The following NDRG3 variants were observed in gnomAD, a reference collection of about 807,000 sequenced individuals.
NDRG3 encodes NDRG family member 3, also known as protein NDRG3.
NDRG3 carries 23 observed loss-of-function variants against 57.2 expected under a neutral mutation model. That is an observed-to-expected ratio of 0.40 (90% CI 0.29 to 0.57). The LOEUF (loss-of-function observed/expected upper bound fraction) is 0.57, where lower values mean the gene tolerates loss of function less well. Ranked by LOEUF, NDRG3 falls within the 20% of genes least tolerant of loss-of-function variation. The probability of loss-of-function intolerance (pLI) is 0.42; values close to 1 mark genes in which losing one functional copy is unlikely to be tolerated. For missense variants in NDRG3, 384 were observed against 457.3 expected, an observed-to-expected ratio of 0.84 and a Z score of 1.46; for synonymous variants, 132 against 162.6, an observed-to-expected ratio of 0.81 and a Z score of 1.43.
At chr20:36,680,960 C>T in intron 7 of NDRG3, 58 bp from the exon 8 acceptor site, 3 of 1,401,656 alleles carry the variant, frequency 2.1e-6, no homozygotes, top group South Asian at 1.2e-5. Context: ...TTCTTCTAAA[C>T]AGTTGGAACA....
At chr20:36,684,305 G>A (rs1217476948) in intron 6 of NDRG3, 108 bp downstream of exon 6, 16 of 858,794 alleles carry the variant, frequency 1.9e-5, no homozygotes, top group African/African-American at 5.0e-5. Flanking sequence ...GCTCTAGGAG[G>A]ACAGTGATAA....
chr20:36,657,469 C>G (rs1568620249), intron 13 of NDRG3, among the ~76,000 whole-genome samples: 1 of 148,192 alleles, frequency 6.7e-6, no homozygotes, highest in Non-Finnish European at 1.5e-5. Context: ...ACCTGGGCGA[C>G]AGAGTCCGTC....
At chr20:36,744,197 C>G (rs901852807) in intron 1 of NDRG3, among the ~76,000 whole-genome samples, 15 of 152,214 alleles carry the variant, frequency 9.9e-5, no homozygotes, top group African/African-American at 3.6e-4. Context: ...CCGCAGCGCC[C>G]GGTCCATAAA....
intron 1 of NDRG3, among the ~76,000 whole-genome samples, chr20:36,728,935 T>A (rs756983716): frequency 1.3e-5 from 2 of 152,088 alleles, no homozygotes; most frequent in Non-Finnish European, 2.9e-5. Context: ...TTGGCCAGGC[T>A]GGTCTCGAAC....
chr20:36,688,777 T>C lies in NDRG3; in HGVS notation c.101A>G (p.Asp34Gly), dbSNP rs1391820154. 4 of 1,612,452 alleles carry C rather than the reference T, an allele frequency of 2.5e-6. No individual in the cohort carries two copies. Among genetic ancestry groups the C allele is most frequent in the African/African-American group, 1.3e-5 (1 of 74,888 alleles). Residue 34 changes from aspartate (D) to glycine (G), a missense_variant, in exon 4 of 16, where the codon GAT (aspartate) becomes GGT (glycine). Transcript: ENST00000349004. ...NFQDFDCQEH[D>G]IETTHGVVHV... ...GACCACACCATGAGTTGTTTCTATA[T>C]CATGTTCCTGTAACAAGAGAATGTA...
chr20:36,676,923 T>A (rs999614938), intron 8 of NDRG3, among the ~76,000 whole-genome samples: 1 of 152,220 alleles, frequency 6.6e-6, no homozygotes, highest in African/African-American at 2.4e-5. Flanking sequence ...TCCTGCTCTA[T>A]GGAGCAAGCA....
chr20:36,666,431 C>T, intron 9 of NDRG3, 39 bp from the exon 10 acceptor site: 1 of 1,446,428 alleles, frequency 6.9e-7, no homozygotes. Context: ...AGCTTCTGAG[C>T]TCCAGAATAA....
At chr20:36,695,763 G>GCCTTGTGACCTTGCCCTAC (rs1247361128) in intron 3 of NDRG3, among the ~76,000 whole-genome samples, 3 of 152,116 alleles carry the variant, frequency 2.0e-5, no homozygotes, top group Admixed American at 6.6e-5. Context: ...TTTCGCCCTG[G>GCCTTGTGACCTTGCCCTAC]CCTTGTGACC....
intron 3 of NDRG3, among the ~76,000 whole-genome samples, chr20:36,699,668 C>CTGG (rs887081318): frequency 2.4e-4 from 36 of 151,528 alleles, no homozygotes; most frequent in Middle Eastern, 3.4e-3. Flanking sequence ...CTGATGGTAA[C>CTGG]TGGTGGTGGT....
chr20:36,671,315 C>G (rs1265606721), intron 9 of NDRG3, 26 bp downstream of exon 9: 1 of 1,591,026 alleles, frequency 6.3e-7, no homozygotes, highest in Non-Finnish European at 8.6e-7. Flanking sequence ...ATAAACACAG[C>G]TCTTCTGGGT....
intron 1 of NDRG3, among the ~76,000 whole-genome samples, chr20:36,741,615 A>G (rs142352472): frequency 0.012 from 1,752 of 152,286 alleles, 13 homozygotes; most frequent in Admixed American, 0.02. Flanking sequence ...AGCTTGGTAT[A>G]TATCTTTCCA....
At chr20:36,686,671 C>G (rs1164594601) in intron 5 of NDRG3, among the ~76,000 whole-genome samples, 1 of 152,198 alleles carries the variant, frequency 6.6e-6, no homozygotes, top group Non-Finnish European at 1.5e-5. Context: ...TAGGAGGAAG[C>G]TGAGAGTGCC....
chr20:36,682,054 T>C (rs1449727157), intron 7 of NDRG3, among the ~76,000 whole-genome samples: 2 of 152,206 alleles, frequency 1.3e-5, no homozygotes, highest in Admixed American at 6.5e-5. Flanking sequence ...GAAAATTTGA[T>C]AAGCAGAGAA....
At chr20:36,677,662 T>C (rs567529831) in intron 8 of NDRG3, among the ~76,000 whole-genome samples, 1 of 152,308 alleles carries the variant, frequency 6.6e-6, no homozygotes, top group South Asian at 2.1e-4. Flanking sequence ...GACTCGCCTG[T>C]GGAAAGGAAC....
chr20:36,721,269 A>G (rs1984574425), intron 2 of NDRG3, among the ~76,000 whole-genome samples: 1 of 151,722 alleles, frequency 6.6e-6, no homozygotes, highest in African/African-American at 2.4e-5. Context: ...AGTGGCTCAC[A>G]CCTGTAATCC....
intron 2 of NDRG3, among the ~76,000 whole-genome samples, chr20:36,710,187 G>A (rs1362545891): frequency 1.3e-5 from 2 of 152,062 alleles, no homozygotes; most frequent in East Asian, 3.9e-4. Context: ...AGCTGAGCGT[G>A]GTAGTGCATG....
chr20:36,702,958 A>G (rs1213903954), intron 3 of NDRG3, among the ~76,000 whole-genome samples: 3 of 152,052 alleles, frequency 2.0e-5, no homozygotes, highest in Non-Finnish European at 4.4e-5. Flanking sequence ...TGCTGGGATT[A>G]CAGTTGTGAG....
chr20:36,702,935 C>T (rs1294023620), intron 3 of NDRG3, among the ~76,000 whole-genome samples: 4 of 152,102 alleles, frequency 2.6e-5, no homozygotes, highest in Non-Finnish European at 5.9e-5. Context: ...CTGCCCACCT[C>T]AGCCTCCCAA....
In NDRG3 at chr20:36,656,533, C is replaced by A. The variant is rs1459562923; in HGVS notation, c.859-1G>T. The A allele has an allele frequency of 6.2e-7, 1 of 1,613,984 alleles. No homozygotes were observed. Among genetic ancestry groups the A allele is most frequent in the Non-Finnish European group, 8.5e-7 (1 of 1,179,900 alleles). ...GGGGCAGTCCCCCACAGTCCGCCAT[C>A]TAGAAAAGGAAAAATATGCAAGTCA... On this transcript the variant is annotated splice_acceptor_variant, in intron 13 of 15. Transcript: ENST00000349004. LOFTEE classifies it high-confidence loss of function.
Sources: allele counts gnomAD v4.1 joint callset (sites outside exome capture counted in the v4.1 genomes callset), GRCh38; gene constraint gnomAD v4.1.1; transcripts MANE v1.5; gene names NCBI Gene and HGNC (gene_info 2026-07-23, HGNC 2026-07-21).